Variants in ERBB4 observed in about 807,000 individuals in gnomAD.
ERBB4 encodes the protein erb-b2 receptor tyrosine kinase 4.
In ERBB4, 42 loss-of-function variants were observed where a neutral mutation model predicts 158.0. The observed-to-expected ratio is 0.27, with a 90% CI of 0.21 to 0.34. The LOEUF (loss-of-function observed/expected upper bound fraction) is 0.34, where lower values mean the gene tolerates loss of function less well. Among genes scored for constraint, ERBB4 ranks in the 10% least tolerant of loss-of-function variants. The pLI, the probability that ERBB4 is intolerant of heterozygous loss-of-function variation, is 1.00. For missense variants in ERBB4, 1,333 were observed against 1,624.1 expected, an observed-to-expected ratio of 0.82 and a Z score of 3.08; for synonymous variants, 583 against 558.7, an observed-to-expected ratio of 1.04 and a Z score of -0.61.
chr2:212,276,873 C>T (rs2085557643), intron 1 of ERBB4, among the ~76,000 whole-genome samples: 1 of 151,656 alleles, frequency 6.6e-6, no homozygotes, highest in Admixed American at 6.6e-5. Flanking sequence ...ATGCAAAGGG[C>T]CAATGTTGTG....
Position 211,383,441 on chromosome 2 carries a change from T to C in ERBB4, c.*174A>G. ...CCTCCTATCTTTCTCTTTCAGTCTT[T>C]CCCTCTAATGTTCAAGTTAGGTAAG... is the stretch of plus-strand genomic sequence containing the variant. On this transcript the variant is annotated 3_prime_UTR_variant, in exon 28 of 28. Coordinates refer to ENST00000342788, the MANE Select transcript of ERBB4 (RefSeq NM_005235.3). 1.6e-6 allele frequency: 1 copy of C among 616,946 alleles called. No individual in the cohort carries two copies. The highest frequency in any genetic ancestry group is 2.9e-6 in the Non-Finnish European group (1 of 346,788). 38.2% of individuals were successfully genotyped at this position (616,946 alleles called of 1,614,324 possible).
At chr2:211,490,844 T>C (rs776218071) in intron 20 of ERBB4, among the ~76,000 whole-genome samples, 1 of 152,136 alleles carries the variant, frequency 6.6e-6, no homozygotes, top group Non-Finnish European at 1.5e-5. Flanking sequence ...TTGTTTGTTC[T>C]CAAGAAAAGT....
chr2:211,424,148 G>T lies in ERBB4; in HGVS notation c.2866+7C>A. 6.2e-7 allele frequency: 1 copy of T among 1,611,718 alleles called. No individual in the cohort carries two copies. The highest frequency in any genetic ancestry group is 8.5e-7 in the Non-Finnish European group (1 of 1,178,042). On this transcript the variant is annotated splice_region_variant and intron_variant, in intron 23 of 27. Coordinates refer to ENST00000342788, the MANE Select transcript of ERBB4 (RefSeq NM_005235.3). ...ATGATGGTGATAACATTATTTTGCA[G>T]TCTTACATTTGACCATGACCATGTA...
chr2:211,760,752 T>C (rs183360690), intron 4 of ERBB4, among the ~76,000 whole-genome samples: 1 of 152,360 alleles, frequency 6.6e-6, no homozygotes, highest in Admixed American at 6.5e-5. Context: ...TACTCCAATC[T>C]ATACAGCATG....
chr2:212,261,270 G>GA (rs956211710), intron 1 of ERBB4, among the ~76,000 whole-genome samples: 2 of 152,086 alleles, frequency 1.3e-5, no homozygotes, highest in African/African-American at 2.4e-5. Flanking sequence ...GGGACATGTG[G>GA]AAAAAAATAG....
chr2:212,108,706 CTTTTTTT>C (rs775193964), intron 2 of ERBB4, among the ~76,000 whole-genome samples: 6 of 97,066 alleles, frequency 6.2e-5, no homozygotes, highest in East Asian at 3.0e-4. Flanking sequence ...AATGGGTCTG[CTTTTTTT>C]TTTTTTTTTT....
chr2:212,062,926 T>C (rs1026042643), intron 2 of ERBB4, among the ~76,000 whole-genome samples: 1 of 152,172 alleles, frequency 6.6e-6, no homozygotes, highest in African/African-American at 2.4e-5. Flanking sequence ...TCCTTATGTG[T>C]TAAAAGAAAA....
chr2:211,418,922 T>C (rs1220746443), intron 25 of ERBB4, among the ~76,000 whole-genome samples: 1 of 152,046 alleles, frequency 6.6e-6, no homozygotes, highest in Admixed American at 6.6e-5. Flanking sequence ...AAGTTTTCAG[T>C]TTGTACTATA....
At chr2:212,109,695 G>C (rs1246933270) in intron 2 of ERBB4, among the ~76,000 whole-genome samples, 2 of 152,162 alleles carry the variant, frequency 1.3e-5, no homozygotes, top group African/African-American at 4.8e-5. Context: ...TTGAAGCTAG[G>C]AGGATACATG....
intron 3 of ERBB4, among the ~76,000 whole-genome samples, chr2:211,798,831 T>C (rs1232566675): frequency 6.6e-6 from 1 of 152,174 alleles, no homozygotes; most frequent in East Asian, 1.9e-4. Context: ...GGTTTCTCTG[T>C]ATTTCATAAG....
chr2:211,398,630 C>G (rs2062970347), intron 25 of ERBB4, among the ~76,000 whole-genome samples: 1 of 152,058 alleles, frequency 6.6e-6, no homozygotes, highest in African/African-American at 2.4e-5. Context: ...ATCACAAGGT[C>G]AGGAGTTCAA....
chr2:212,331,835 A>G (rs773838271), intron 1 of ERBB4, among the ~76,000 whole-genome samples: 4 of 152,026 alleles, frequency 2.6e-5, no homozygotes, highest in Non-Finnish European at 5.9e-5. Flanking sequence ...TGTATTAAAT[A>G]GGAATTTATT....
intron 1 of ERBB4, among the ~76,000 whole-genome samples, chr2:212,213,945 A>G (rs1187795393): frequency 6.6e-6 from 1 of 151,808 alleles, no homozygotes; most frequent in African/African-American, 2.4e-5. Context: ...TCCCTTTGTT[A>G]TACAAAGTTG....
chr2:211,849,656 T>A, intron 3 of ERBB4, among the ~76,000 whole-genome samples: 1 of 152,092 alleles, frequency 6.6e-6, no homozygotes, highest in Admixed American at 6.6e-5. Context: ...TTATTTTTCT[T>A]TCTTTTAAGG....
intron 20 of ERBB4, among the ~76,000 whole-genome samples, chr2:211,551,062 G>T (rs1202209007): frequency 6.6e-6 from 1 of 151,946 alleles, no homozygotes; most frequent in Non-Finnish European, 1.5e-5. Context: ...CCCACTTCAG[G>T]CTGGCTTTTT....
intron 19 of ERBB4, among the ~76,000 whole-genome samples, chr2:211,578,472 C>G (rs1398853798): frequency 6.6e-6 from 1 of 151,906 alleles, no homozygotes; most frequent in Non-Finnish European, 1.5e-5. Flanking sequence ...TTATATGGAA[C>G]CAAAAAAGAG....
intron 2 of ERBB4, among the ~76,000 whole-genome samples, chr2:212,106,248 T>C (rs2079223350): frequency 1.3e-5 from 2 of 152,194 alleles, no homozygotes; most frequent in Non-Finnish European, 2.9e-5. Context: ...AAAATGCTGA[T>C]AATGATATGG....
intron 1 of ERBB4, among the ~76,000 whole-genome samples, chr2:212,188,415 G>T (rs191469158): frequency 6.6e-6 from 1 of 150,442 alleles, no homozygotes; most frequent in Non-Finnish European, 1.5e-5. Flanking sequence ...TCTCCCACCC[G>T]ACCTCCTAGA....
chr2:211,548,824 G>C (rs554493169), intron 20 of ERBB4, among the ~76,000 whole-genome samples: 2 of 152,134 alleles, frequency 1.3e-5, no homozygotes, highest in Admixed American at 6.5e-5. Flanking sequence ...AGTTAGGTTC[G>C]GTTATATTTG....
Sources: gnomAD v4.1 joint callset for allele counts (sites outside exome capture counted in the v4.1 genomes callset) on GRCh38, gnomAD v4.1.1 for gene constraint, MANE v1.5 for transcripts, NCBI Gene and HGNC (gene_info 2026-07-23, HGNC 2026-07-21) for gene names.